Variants in TEAD1 observed in about 807,000 individuals in gnomAD.
TEAD1 encodes the protein transcriptional enhancer factor TEF-1.
Under a neutral mutation model 54.9 loss-of-function variants are expected in TEAD1, and 9 were observed. The observed-to-expected ratio is 0.16, with a 90% CI of 0.10 to 0.29. The LOEUF (loss-of-function observed/expected upper bound fraction) is 0.29. TEAD1 is among the 10% of genes least tolerant of loss of function. TEAD1 has a pLI of 1.00. For synonymous variants in TEAD1, 200 were observed against 187.8 expected (o/e 1.07, Z -0.53); for missense variants, 387 against 535.9 (o/e 0.72, Z 2.74).
At chr11:12,690,262 AATAAT>A (rs1409817252) in intron 2 of TEAD1, among the ~76,000 whole-genome samples, 1 of 145,554 alleles carries the variant, frequency 6.9e-6, no homozygotes, top group Admixed American at 6.7e-5. Context: ...AAAAAAAAAA[AATAAT>A]AAGCCCTTAA....
chr11:12,709,337 CA>C (rs1412110368), intron 2 of TEAD1, among the ~76,000 whole-genome samples: 2 of 135,712 alleles, frequency 1.5e-5, no homozygotes, highest in East Asian at 4.1e-4. Flanking sequence ...GATTCTCTCT[CA>C]AAAAAAATAA....
chr11:12,777,941 T>C (rs1055408564), intron 3 of TEAD1, among the ~76,000 whole-genome samples: 3 of 152,220 alleles, frequency 2.0e-5, no homozygotes, highest in African/African-American at 7.2e-5. Context: ...TAGTAAGGCC[T>C]GGACTGACCA....
chr11:12,914,861 G>A (rs1408897233), intron 10 of TEAD1, among the ~76,000 whole-genome samples: 2 of 152,048 alleles, frequency 1.3e-5, no homozygotes, highest in African/African-American at 4.8e-5. Context: ...ACGGCTGCCC[G>A]CCACAGGGCC....
At chr11:12,749,702 G>A (rs1211730805) in intron 2 of TEAD1, among the ~76,000 whole-genome samples, 1 of 152,174 alleles carries the variant, frequency 6.6e-6, no homozygotes, top group East Asian at 1.9e-4. Flanking sequence ...CCCACTGAAT[G>A]CCCTTACAGT....
intron 5 of TEAD1, among the ~76,000 whole-genome samples, chr11:12,873,942 T>C (rs1947805315): frequency 6.6e-6 from 1 of 152,234 alleles, no homozygotes; most frequent in African/African-American, 2.4e-5. Context: ...TTGCACTATA[T>C]TGCTGGTTAA....
chr11:12,846,087 C>G (rs1332238789), intron 3 of TEAD1, among the ~76,000 whole-genome samples: 1 of 152,212 alleles, frequency 6.6e-6, no homozygotes, highest in Non-Finnish European at 1.5e-5. Flanking sequence ...ATAGGGAGGC[C>G]TGAGCCTCAT....
intron 3 of TEAD1, among the ~76,000 whole-genome samples, chr11:12,813,921 GCT>G (rs1295724423): frequency 6.6e-6 from 1 of 152,172 alleles, no homozygotes; most frequent in African/African-American, 2.4e-5. Context: ...CCTGTGTCCA[GCT>G]CTCTCTTGGA....
intron 3 of TEAD1, among the ~76,000 whole-genome samples, chr11:12,814,893 C>T (rs1258190233): frequency 3.3e-5 from 5 of 151,572 alleles, no homozygotes; most frequent in African/African-American, 4.9e-5. Context: ...GCACGCGTCC[C>T]GGAGCGCACG....
At chr11:12,891,746 T>A (rs1358744773) in intron 9 of TEAD1, among the ~76,000 whole-genome samples, 2 of 152,238 alleles carry the variant, frequency 1.3e-5, no homozygotes, top group Non-Finnish European at 1.5e-5. Flanking sequence ...TTGTCTGAAT[T>A]TCACAGTGTA....
chr11:12,840,949 A>G (rs1005770340), intron 3 of TEAD1, among the ~76,000 whole-genome samples: 8 of 152,198 alleles, frequency 5.3e-5, no homozygotes, highest in Non-Finnish European at 1.0e-4. Context: ...GACCTGTCTG[A>G]AAATTGAAAT....
intron 10 of TEAD1, among the ~76,000 whole-genome samples, chr11:12,916,736 C>T (rs1010914670): frequency 5.9e-5 from 9 of 152,156 alleles, no homozygotes; most frequent in South Asian, 2.1e-4. Flanking sequence ...CATTCACAGA[C>T]GCCTGGACCA....
intron 3 of TEAD1, among the ~76,000 whole-genome samples, chr11:12,815,139 G>A (rs2133994209): frequency 6.6e-6 from 1 of 152,218 alleles, no homozygotes; most frequent in Admixed American, 6.5e-5. Context: ...GTGGGTTCCA[G>A]AGCCCCTGTC....
At chr11:12,930,415 T>A in intron 12 of TEAD1, 89 bp downstream of exon 12, 2 of 1,515,718 alleles carry the variant, frequency 1.3e-6, no homozygotes, top group Non-Finnish European at 1.8e-6. Context: ...GCGCTGGGCC[T>A]GCGCCGAGGG....
chr11:12,937,727 T>C lies in TEAD1; in HGVS notation c.*505T>C, dbSNP rs1406380180. ...ACAAAACTAAGAATCTTTAGACTTA[T>C]CTTTGTAACTAATTAGGGTGGAAGT... On this transcript the variant is annotated 3_prime_UTR_variant, in exon 13 of 13. Coordinates refer to ENST00000527636, the MANE Select transcript of TEAD1 (RefSeq NM_021961.6). The C allele has an allele frequency of 6.5e-6, 1 of 152,850 alleles. No individual in the cohort carries two copies. The highest frequency in any genetic ancestry group is 2.1e-4 in the South Asian group (1 of 4,842). The allele number at this position is 152,850 out of a possible 1,614,324, so 9.5% of individuals were successfully genotyped here.
chr11:12,850,390 C>T (rs1490146359), intron 3 of TEAD1, among the ~76,000 whole-genome samples: 1 of 152,142 alleles, frequency 6.6e-6, no homozygotes, highest in Non-Finnish European at 1.5e-5. Context: ...GAGCCAAGGT[C>T]GTGCCATTGC....
At chr11:12,913,912 A>G (rs958730839) in intron 10 of TEAD1, among the ~76,000 whole-genome samples, 6 of 152,202 alleles carry the variant, frequency 3.9e-5, no homozygotes, top group African/African-American at 1.4e-4. Context: ...TTTCCTGGGA[A>G]AGGTGGTGTC....
intron 5 of TEAD1, among the ~76,000 whole-genome samples, chr11:12,869,636 C>T (rs1436801765): frequency 2.0e-5 from 3 of 151,988 alleles, no homozygotes; most frequent in African/African-American, 4.8e-5. Flanking sequence ...ATTAAACACT[C>T]ATGTTTATAC....
At chr11:12,792,702 T>C (rs1945828762) in intron 3 of TEAD1, among the ~76,000 whole-genome samples, 1 of 152,162 alleles carries the variant, frequency 6.6e-6, no homozygotes, top group South Asian at 2.1e-4. Flanking sequence ...GCTATGAGGA[T>C]TACATGAGAT....
intron 2 of TEAD1, among the ~76,000 whole-genome samples, chr11:12,706,729 G>C (rs1168403414): frequency 1.3e-5 from 2 of 152,166 alleles, no homozygotes; most frequent in South Asian, 2.1e-4. Flanking sequence ...CCTCTGGTGT[G>C]GCCGGGCCAG....
Sources: allele counts gnomAD v4.1 joint callset (sites outside exome capture counted in the v4.1 genomes callset), GRCh38; gene constraint gnomAD v4.1.1; transcripts MANE v1.5; gene names NCBI Gene and HGNC (gene_info 2026-07-23, HGNC 2026-07-21).